IARS1: variants seen among roughly 807,000 people sequenced by gnomAD.
The protein encoded by IARS1 is isoleucyl-tRNA synthetase 1.
A neutral mutation model predicts 168.2 loss-of-function variants in IARS1; 124 were observed. The ratio of observed to expected loss-of-function variants is 0.74; its 90% CI spans 0.64 to 0.86. IARS1 has a LOEUF of 0.86. IARS1 is among the 40% of genes least tolerant of loss of function. The pLI, the probability that IARS1 is intolerant of heterozygous loss-of-function variation, is 0.00. For missense variants in IARS1, 1,452 were observed against 1,515.8 expected, an observed-to-expected ratio of 0.96 and a Z score of 0.70; for synonymous variants, 532 against 529.4, an observed-to-expected ratio of 1.00 and a Z score of -0.07.
At chr9:92,278,067 T>C (rs915457719) in intron 8 of IARS1, 132 bp downstream of exon 8, 5 of 1,022,304 alleles carry the variant, frequency 4.9e-6, no homozygotes, top group African/African-American at 4.8e-5. Flanking sequence ...AAGTACTTAG[T>C]ATAGTATTAG....
At position 92,287,702 on chromosome 9, in the gene IARS1, T is replaced by C. The variant is rs1376205313; in HGVS notation, c.396+89A>G. On this transcript the variant is annotated intron_variant, in intron 4 of 33. Transcript: ENST00000443024. ...ACTTTTTCTACAAAAAATAAATTAA[T>C]AAAAAAAGCACAAGGGACCATAAAC... The C allele has an allele frequency of 1.3e-5, 18 of 1,378,270 alleles. No homozygotes were observed. In the African/African-American group the frequency reaches 2.1e-4, roughly 16 times the overall value. 85.4% of individuals were successfully genotyped at this position (1,378,270 alleles called of 1,614,324 possible). A position where few individuals can be genotyped will look rare whatever the true frequency, so the allele number is the denominator to read the frequency against.
rs1318652838 is a variant in IARS1, at chr9:92,289,423, G to A, written c.-4C>T. 7.5e-7 allele frequency: 1 copy of A among 1,331,232 alleles called. No homozygotes were observed. Among genetic ancestry groups the A allele is most frequent in the South Asian group, 1.2e-5 (1 of 84,198 alleles). The allele number at this position is 1,331,232 out of a possible 1,614,324, so 82.5% of individuals were successfully genotyped here. On this transcript the variant is annotated 5_prime_UTR_variant, in exon 2 of 34. Transcript: ENST00000443024. Reference sequence around the variant, plus strand: ...TTTCTGGAACTTGTTGAAGCATTTTGTTGCTGCAAAAGAAATCAAATTTAT... The same window carrying A: ...TTTCTGGAACTTGTTGAAGCATTTTATTGCTGCAAAAGAAATCAAATTTAT...
intron 28 of IARS1, 63 bp downstream of exon 28, chr9:92,243,153 C>A (rs1828687942): frequency 8.3e-7 from 1 of 1,199,882 alleles, no homozygotes; most frequent in Non-Finnish European, 1.2e-6. Flanking sequence ...CTCCTATCTT[C>A]TCCAAACAAC....
chr9:92,221,737 T>C (rs1241705423), intron 33 of IARS1, among the ~76,000 whole-genome samples: 1 of 152,190 alleles, frequency 6.6e-6, no homozygotes, highest in Admixed American at 6.5e-5. Flanking sequence ...GATAATAGAA[T>C]GTGGAATATG....
At chr9:92,260,696 T>C (rs1404874874) in intron 17 of IARS1, among the ~76,000 whole-genome samples, 5 of 151,770 alleles carry the variant, frequency 3.3e-5, no homozygotes, top group Non-Finnish European at 5.9e-5. Context: ...GGTAAGATAT[T>C]TTGTTAATAT....
intron 30 of IARS1, among the ~76,000 whole-genome samples, chr9:92,234,260 T>C (rs73516530): frequency 0.011 from 1,652 of 152,336 alleles, 40 homozygotes; most frequent in African/African-American, 0.038. Flanking sequence ...CAATTAATGC[T>C]TGAATCCAAA....
chr9:92,227,740 C>T (rs1347841254), intron 31 of IARS1, among the ~76,000 whole-genome samples: 5 of 150,770 alleles, frequency 3.3e-5, no homozygotes, highest in African/African-American at 4.9e-5. Flanking sequence ...AGACGATGGG[C>T]GGCCGGGCAG....
intron 7 of IARS1, among the ~76,000 whole-genome samples, chr9:92,279,406 G>A (rs1451682701): frequency 6.6e-6 from 1 of 152,212 alleles, no homozygotes; most frequent in Non-Finnish European, 1.5e-5. Flanking sequence ...ACCCACCAGT[G>A]ACATAGGGAA....
At chr9:92,250,070 C>G in intron 24 of IARS1, 117 bp downstream of exon 24, 1 of 843,908 alleles carries the variant, frequency 1.2e-6, no homozygotes, top group Non-Finnish European at 2.0e-6. Context: ...GTCATTCACA[C>G]CCTCACTGCA....
In IARS1 at chr9:92,281,560, C is replaced by CT. The variant is rs201239019; in HGVS notation, c.598-668dup. Among the ~76,000 whole-genome samples the CT allele has an allele frequency of 5.8e-4, 89 of 152,236 alleles. 1 individual carries two copies. In the East Asian group the frequency reaches 0.016, roughly 28 times the overall value. The stretch of plus-strand genomic sequence containing the variant: ...GATAACTGTTCTGGAATATGGTTAT[C>CT]TTTTTGCCCAAAATACCAAAAAGAT... On this transcript the variant is annotated intron_variant, in intron 6 of 33. Transcript: ENST00000443024.
chr9:92,222,048 C>T (rs910619298), intron 33 of IARS1, among the ~76,000 whole-genome samples: 3 of 152,056 alleles, frequency 2.0e-5, no homozygotes, highest in African/African-American at 4.8e-5. Flanking sequence ...CCGGGCATCA[C>T]GGCTCACGCC....
intron 33 of IARS1, among the ~76,000 whole-genome samples, chr9:92,220,620 A>AAAAC (rs111465873): frequency 0.18 from 26,454 of 150,868 alleles, 2,528 homozygotes; most frequent in South Asian, 0.29. Context: ...ACTCTGTCTC[A>AAAAC]AAACAAACAA....
intron 30 of IARS1, among the ~76,000 whole-genome samples, chr9:92,229,686 T>C (rs1826363419): frequency 6.6e-6 from 1 of 152,200 alleles, no homozygotes; most frequent in African/African-American, 2.4e-5. Flanking sequence ...ATGCACGTAG[T>C]GAGATACCAC....
At chr9:92,252,150 G>A (rs2133713770) in intron 21 of IARS1, among the ~76,000 whole-genome samples, 1 of 152,282 alleles carries the variant, frequency 6.6e-6, no homozygotes, top group African/African-American at 2.4e-5. Context: ...AGCTGACAGG[G>A]AAGTAGAGCC....
rs1587897593 is a variant in IARS1, at chr9:92,285,943, G to GA, written c.480-105dup. The GA allele has an allele frequency of 7.8e-5, 53 of 676,498 alleles. No homozygotes were observed. In the East Asian group the frequency reaches 1.4e-3, roughly 17 times the overall value. The allele number at this position is 676,498 out of a possible 1,614,324, so 41.9% of individuals were successfully genotyped here. ...TAGAGTTTCTGTCTGCCAAATAAGT[G>GA]AAAAAACAATGTCTTTCATTGGGAG... On this transcript the variant is annotated intron_variant, in intron 5 of 33. Coordinates refer to ENST00000443024, the MANE Select transcript of IARS1 (RefSeq NM_002161.6).
chr9:92,240,089 G>C (rs1467485354), intron 30 of IARS1, among the ~76,000 whole-genome samples: 1 of 152,054 alleles, frequency 6.6e-6, no homozygotes, highest in Admixed American at 6.6e-5. Context: ...TTGGTTACAA[G>C]GTCCTTAGGT....
At chr9:92,277,669 G>GTT (rs762829302) in intron 9 of IARS1, among the ~76,000 whole-genome samples, 194 bp downstream of exon 9, 1 of 105,660 alleles carries the variant, frequency 9.5e-6, no homozygotes, top group Non-Finnish European at 1.8e-5. Flanking sequence ...AGGAAACCCT[G>GTT]TTTTTAAAAA....
chr9:92,225,501 G>C (rs72750412), intron 31 of IARS1, among the ~76,000 whole-genome samples: 3,382 of 151,744 alleles, frequency 0.022, 54 homozygotes, highest in South Asian at 0.066. Flanking sequence ...AGAAGGATAA[G>C]GTAACTTTCT....
At chr9:92,250,664 A>G in intron 23 of IARS1, 49 bp downstream of exon 23, 1 of 1,501,828 alleles carries the variant, frequency 6.7e-7, no homozygotes, top group Non-Finnish European at 9.0e-7. Context: ...TGCTTGAGCA[A>G]CTCTCCCCTC....
Sources: gnomAD v4.1 joint callset for allele counts (sites outside exome capture counted in the v4.1 genomes callset) on GRCh38, gnomAD v4.1.1 for gene constraint, MANE v1.5 for transcripts, NCBI Gene and HGNC (gene_info 2026-07-23, HGNC 2026-07-21) for gene names.